HCRTR2: variants seen among roughly 807,000 people sequenced by gnomAD.
The protein encoded by HCRTR2 is hypocretin receptor 2, also known as orexin receptor type 2.
HCRTR2 carries 22 observed loss-of-function variants against 49.0 expected under a neutral mutation model. That is an observed-to-expected ratio of 0.45 (90% CI 0.32 to 0.64). HCRTR2 has a LOEUF of 0.64. HCRTR2 is among the 30% of genes least tolerant of loss of function. The pLI, the probability that HCRTR2 is intolerant of heterozygous loss-of-function variation, is 0.04. For missense variants in HCRTR2, 491 were observed against 559.4 expected (o/e 0.88, Z 1.23); for synonymous variants, 236 against 205.3 (o/e 1.15, Z -1.28).
chr6:55,166,358 C>G (rs1388630920), intron 1 of HCRTR2, among the ~76,000 whole-genome samples: 1 of 149,698 alleles, frequency 6.7e-6, no homozygotes, highest in Non-Finnish European at 1.5e-5. Context: ...GTCAGGAAGT[C>G]CAAAAGACTT....
intron 1 of HCRTR2, among the ~76,000 whole-genome samples, chr6:55,108,646 A>G (rs907320921): frequency 6.6e-6 from 1 of 152,040 alleles, no homozygotes; most frequent in African/African-American, 2.4e-5. Context: ...AGAGCCCTGT[A>G]GGCACTTCTG....
At position 55,275,170 on chromosome 6, in the gene HCRTR2, T is replaced by G. The variant is rs1433905683; in HGVS notation, c.763-2210T>G. Among the ~76,000 whole-genome samples the G allele has an allele frequency of 3.9e-5, 6 of 152,230 alleles. No individual in the cohort carries two copies. In the East Asian group the frequency reaches 1.2e-3, roughly 29 times the overall value. ...ACAGAGTAGGTTTTAAGGTCCATCA[T>G]GTACATGCTATTTCCAATTCATAAC... On this transcript the variant is annotated intron_variant, in intron 4 of 6. Coordinates refer to ENST00000370862, the MANE Select transcript of HCRTR2 (RefSeq NM_001384272.1).
At chr6:55,256,517 T>C (rs1350971966) in intron 3 of HCRTR2, among the ~76,000 whole-genome samples, 1 of 152,144 alleles carries the variant, frequency 6.6e-6, no homozygotes, top group Non-Finnish European at 1.5e-5. Context: ...ATTTCATATA[T>C]TGTTGCAAGA....
chr6:55,262,804 A>C (rs1766792716), intron 3 of HCRTR2, among the ~76,000 whole-genome samples: 1 of 148,146 alleles, frequency 6.8e-6, no homozygotes. Flanking sequence ...GAGCATTTAC[A>C]AAGTTAGTAA....
intron 1 of HCRTR2, among the ~76,000 whole-genome samples, chr6:55,114,784 G>A (rs543715627): frequency 1.3e-5 from 2 of 151,806 alleles, no homozygotes; most frequent in African/African-American, 4.8e-5. Flanking sequence ...CTACACAAAA[G>A]CATTATTTGA....
intron 1 of HCRTR2, among the ~76,000 whole-genome samples, chr6:55,122,979 AG>A (rs551980578): frequency 0.015 from 1,492 of 99,208 alleles, 32 homozygotes; most frequent in African/African-American, 0.053. Flanking sequence ...GGGTGGGGGG[AG>A]GGGGAAGGGA....
At chr6:55,140,779 T>A (rs769229721) in intron 1 of HCRTR2, among the ~76,000 whole-genome samples, 9 of 152,166 alleles carry the variant, frequency 5.9e-5, no homozygotes, top group African/African-American at 1.7e-4. Context: ...TTAATTCCAA[T>A]TTTTTTCTAC....
chr6:55,134,615 A>T (rs570783874), intron 1 of HCRTR2, among the ~76,000 whole-genome samples: 1 of 151,888 alleles, frequency 6.6e-6, no homozygotes, highest in South Asian at 2.1e-4. Context: ...TTTGACCAAC[A>T]TCTCCCCATT....
At chr6:55,189,004 C>T (rs1237458007) in intron 1 of HCRTR2, among the ~76,000 whole-genome samples, 1 of 152,044 alleles carries the variant, frequency 6.6e-6, no homozygotes, top group African/African-American at 2.4e-5. Flanking sequence ...ATTTATAAAC[C>T]ATTCCAAAAA....
chr6:55,231,211 A>G (rs914936805), intron 1 of HCRTR2, among the ~76,000 whole-genome samples: 9 of 152,156 alleles, frequency 5.9e-5, no homozygotes, highest in African/African-American at 7.2e-5. Flanking sequence ...TCACTCACTT[A>G]TATTTATAAT....
intron 1 of HCRTR2, among the ~76,000 whole-genome samples, chr6:55,237,925 G>A (rs1766244795): frequency 6.6e-6 from 1 of 152,096 alleles, no homozygotes. Flanking sequence ...GATGATTTAG[G>A]TTCTTCCCTT....
At chr6:55,182,864 G>A (rs1765155862) in intron 1 of HCRTR2, among the ~76,000 whole-genome samples, 1 of 152,166 alleles carries the variant, frequency 6.6e-6, no homozygotes, top group South Asian at 2.1e-4. Flanking sequence ...TAACTACAAA[G>A]GGGATTGGGA....
chr6:55,127,319 G>C (rs1764295683), intron 1 of HCRTR2, among the ~76,000 whole-genome samples: 1 of 151,954 alleles, frequency 6.6e-6, no homozygotes, highest in Non-Finnish European at 1.5e-5. Flanking sequence ...CCCTCAGGTA[G>C]GGGAGAAAAC....
intron 1 of HCRTR2, among the ~76,000 whole-genome samples, chr6:55,119,605 CT>C (rs1053296035): frequency 1.8e-4 from 26 of 146,614 alleles, no homozygotes; most frequent in Admixed American, 5.5e-4. Flanking sequence ...TGCTCATATC[CT>C]TTGTTCATTT....
chr6:55,222,482 A>C (rs1309663002), intron 1 of HCRTR2, among the ~76,000 whole-genome samples: 1 of 152,122 alleles, frequency 6.6e-6, no homozygotes, highest in Non-Finnish European at 1.5e-5. Flanking sequence ...AGATATTTGC[A>C]CTCTCATGTT....
chr6:55,118,841 G>A (rs1764155857), intron 1 of HCRTR2, among the ~76,000 whole-genome samples: 1 of 151,644 alleles, frequency 6.6e-6, no homozygotes, highest in African/African-American at 2.4e-5. Context: ...AGAACCTGCA[G>A]TTTTCTTACA....
chr6:55,228,884 C>T (rs955719607), intron 1 of HCRTR2, among the ~76,000 whole-genome samples: 8 of 151,984 alleles, frequency 5.3e-5, no homozygotes, highest in African/African-American at 1.9e-4. Context: ...ATGACTTAAC[C>T]AAAACTAGCT....
At chr6:55,163,741 C>A (rs979381482) in intron 1 of HCRTR2, among the ~76,000 whole-genome samples, 1 of 152,138 alleles carries the variant, frequency 6.6e-6, no homozygotes, top group Non-Finnish European at 1.5e-5. Flanking sequence ...TCTAAAACAT[C>A]AAAAGCAATG....
At chr6:55,155,573 T>A (rs889389046) in intron 1 of HCRTR2, among the ~76,000 whole-genome samples, 1 of 152,048 alleles carries the variant, frequency 6.6e-6, no homozygotes, top group African/African-American at 2.4e-5. Flanking sequence ...TTTATATGAA[T>A]GTGCGGTGTT....
Sources: allele counts gnomAD v4.1 joint callset (sites outside exome capture counted in the v4.1 genomes callset), GRCh38; gene constraint gnomAD v4.1.1; transcripts MANE v1.5; gene names NCBI Gene and HGNC (gene_info 2026-07-23, HGNC 2026-07-21).